FRMD6: variants seen among roughly 807,000 people sequenced by gnomAD.
The protein encoded by FRMD6 is FERM domain containing 6.
In FRMD6, 37 loss-of-function variants were observed where a neutral mutation model predicts 73.2. The ratio of observed to expected loss-of-function variants is 0.51; its 90% CI spans 0.39 to 0.66. The LOEUF is 0.66. Ranked by LOEUF, FRMD6 falls within the 30% of genes least tolerant of loss-of-function variation. FRMD6 has a pLI of 0.00. For missense variants in FRMD6, 714 were observed against 780.5 expected (o/e 0.91, Z 1.02); for synonymous variants, 273 against 282.2 (o/e 0.97, Z 0.33).
rs75085274 is a variant in FRMD6, at chr14:51,640,263, G to C, written c.-146-49428G>C. ...CACGTTTTTATTCCTTGGAAGGTAAGGATAGAGTTACAATACCTAAAGCAT... is the reference window on the plus strand; with the variant it reads ...CACGTTTTTATTCCTTGGAAGGTAACGATAGAGTTACAATACCTAAAGCAT... On this transcript the variant is annotated intron_variant, in intron 2 of 14. Transcript: ENST00000356218. 2.8e-4 allele frequency among the ~76,000 whole-genome samples: 42 copies of C among 152,282 alleles called. No homozygotes were observed. The East Asian group carries it at 6.7e-3, about 24-fold the overall frequency.
In FRMD6 at chr14:51,728,886, A is replaced by T. The variant is rs899921145; in HGVS notation, c.*857A>T. 6.6e-6 allele frequency: 1 copy of T among 152,244 alleles called. No homozygotes were observed. Among genetic ancestry groups the T allele is most frequent in the Admixed American group, 6.5e-5 (1 of 15,290 alleles). 9.4% of individuals were successfully genotyped at this position (152,244 alleles called of 1,614,324 possible). ...ATCAAGAACAAATTATGGCAATGCT[A>T]GTTTCTGCTTAACCAAAATACTCTG... On this transcript the variant is annotated 3_prime_UTR_variant, in exon 14 of 14. Coordinates refer to ENST00000344768, the MANE Select transcript of FRMD6 (RefSeq NM_001267046.2).
intron 1 of FRMD6, chr14:51,554,536 C>G (rs1289832982): frequency 2.6e-5 from 4 of 152,182 alleles, no homozygotes. Context: ...CTATGTTATC[C>G]TTGATATGAT....
chr14:51,413,390 A>C, the FRMD6 span, among the ~76,000 whole-genome samples: 4 of 152,150 alleles, frequency 2.6e-5, no homozygotes, highest in Non-Finnish European at 5.9e-5. Context: ...GTTCCCACCT[A>C]TGAGTGAGAA....
At chr14:51,537,195 G>A (rs558932460) in intron 1 of FRMD6, among the ~76,000 whole-genome samples, 1 of 152,188 alleles carries the variant, frequency 6.6e-6, no homozygotes, top group East Asian at 1.9e-4. Flanking sequence ...CTTTCTCTCA[G>A]ACATTGATCT....
chr14:51,652,485 A>G (rs754932207), intron 1 of FRMD6, among the ~76,000 whole-genome samples: 110 of 152,244 alleles, frequency 7.2e-4, no homozygotes, highest in Non-Finnish European at 9.7e-4. Context: ...CGCCGGGACT[A>G]GCACCCGAGT....
intron 1 of FRMD6, among the ~76,000 whole-genome samples, chr14:51,533,768 G>A (rs540262294): frequency 6.6e-6 from 1 of 152,288 alleles, no homozygotes; most frequent in South Asian, 2.1e-4. Context: ...CAGGTTTCCT[G>A]TTTCCTCCTA....
chr14:51,467,963 G>C, the FRMD6 span, among the ~76,000 whole-genome samples: 1 of 151,990 alleles, frequency 6.6e-6, no homozygotes, highest in South Asian at 2.1e-4. Flanking sequence ...AGGTTGTAGC[G>C]AGCCGAGATC....
At chr14:51,434,258 C>T in the FRMD6 span, among the ~76,000 whole-genome samples, 1 of 152,102 alleles carries the variant, frequency 6.6e-6, no homozygotes, top group Non-Finnish European at 1.5e-5. Flanking sequence ...TACCTCATGA[C>T]ATCCCAGTAG....
At chr14:51,681,996 T>G (rs1266842713) in intron 1 of FRMD6, among the ~76,000 whole-genome samples, 1 of 152,184 alleles carries the variant, frequency 6.6e-6, no homozygotes, top group Non-Finnish European at 1.5e-5. Context: ...TAAAACACAT[T>G]GTGGTCTTTA....
chr14:51,515,243 G>GT (rs1190866481), intron 1 of FRMD6, among the ~76,000 whole-genome samples: 1 of 152,206 alleles, frequency 6.6e-6, no homozygotes, highest in African/African-American at 2.4e-5. Flanking sequence ...CAAGATCGTA[G>GT]TTCTGCCTTC....
intron 6 of FRMD6, among the ~76,000 whole-genome samples, chr14:51,707,259 A>G (rs1170054585): frequency 6.6e-6 from 1 of 152,170 alleles, no homozygotes; most frequent in East Asian, 1.9e-4. Context: ...TAAAATATTC[A>G]ATAGGAAGAA....
Position 51,708,103 on chromosome 14 carries a change from A to G in FRMD6, c.584A>G (p.Tyr195Cys), listed in dbSNP as rs768491515. The G allele has an allele frequency of 6.8e-6, 11 of 1,613,190 alleles. No homozygotes were observed. Among genetic ancestry groups the G allele is most frequent in the Non-Finnish European group, 7.6e-6 (9 of 1,179,474 alleles). ...GTTGTTTCCAAGAGGGGGAAGGACT[A>G]CATCCTGAAGCACATTCCAAACATG... is the stretch of plus-strand genomic sequence containing the variant. ...SWVVSKRGKD[Y>C]ILKHIPNMHK... The change falls in exon 7 of 14, where the codon TAC (tyrosine) becomes TGC (cysteine). Residue 195 changes from tyrosine (Y) to cysteine (C), a missense_variant. Physicochemically the swap from Tyr to Cys is radical, Grantham distance 194. Coordinates refer to ENST00000344768, the MANE Select transcript of FRMD6 (RefSeq NM_001267046.2).
At chr14:51,723,517 A>G (rs918021940) in intron 12 of FRMD6, among the ~76,000 whole-genome samples, 1 of 152,190 alleles carries the variant, frequency 6.6e-6, no homozygotes, top group Non-Finnish European at 1.5e-5. Flanking sequence ...GTGGTGGCTC[A>G]CACGTATAAT....
chr14:51,491,716 A>T (rs1286275264), intron 1 of FRMD6, among the ~76,000 whole-genome samples: 1 of 152,238 alleles, frequency 6.6e-6, no homozygotes, highest in African/African-American at 2.4e-5. Flanking sequence ...ATTCAAATCT[A>T]AGTGCCCGAC....
chr14:51,438,730 CT>C, the FRMD6 span, among the ~76,000 whole-genome samples: 4 of 152,162 alleles, frequency 2.6e-5, no homozygotes, highest in African/African-American at 9.7e-5. Flanking sequence ...ACGTTGTGCC[CT>C]TGATTTTTAA....
chr14:51,556,654 G>A (rs892455080), intron 1 of FRMD6, among the ~76,000 whole-genome samples: 3 of 152,160 alleles, frequency 2.0e-5, no homozygotes, highest in East Asian at 3.9e-4. Flanking sequence ...GATTTAGTCC[G>A]TTATTATGTC....
chr14:51,481,155 G>A, the FRMD6 span, among the ~76,000 whole-genome samples: 1 of 152,184 alleles, frequency 6.6e-6, no homozygotes, highest in African/African-American at 2.4e-5. Flanking sequence ...CATACTTATA[G>A]ATACAAAACT....
intron 1 of FRMD6, among the ~76,000 whole-genome samples, chr14:51,501,568 A>T (rs1010976966): frequency 1.3e-5 from 2 of 152,184 alleles, no homozygotes; most frequent in Non-Finnish European, 2.9e-5. Flanking sequence ...TTATGGCTCC[A>T]TAGTATTCCA....
chr14:51,570,495 T>G (rs888817652), intron 2 of FRMD6: 1 of 152,224 alleles, frequency 6.6e-6, no homozygotes, highest in Admixed American at 6.5e-5. Flanking sequence ...GTGTCAGCCT[T>G]AGACAGATCT....
Sources: allele counts gnomAD v4.1 joint callset (sites outside exome capture counted in the v4.1 genomes callset), GRCh38; gene constraint gnomAD v4.1.1; transcripts MANE v1.5; gene names NCBI Gene and HGNC (gene_info 2026-07-23, HGNC 2026-07-21).